B4GALT7: variants seen among roughly 807,000 people sequenced by gnomAD.
The protein encoded by B4GALT7 is beta-1,4-galactosyltransferase 7.
B4GALT7 carries 30 observed loss-of-function variants against 33.0 expected under a neutral mutation model. That is an observed-to-expected ratio of 0.91 (90% confidence interval 0.68 to 1.23). The LOEUF is 1.23. Ranked by LOEUF, B4GALT7 falls within the 50% of genes most tolerant of loss-of-function variation. The pLI, the probability that B4GALT7 is intolerant of heterozygous loss-of-function variation, is 0.00. For missense variants in B4GALT7, 507 were observed against 450.8 expected (o/e 1.12, Z -1.13); for synonymous variants, 213 against 187.2 (o/e 1.14, Z -1.13).
At chr5:177,604,640 GA>G in intron 2 of B4GALT7, 99 bp downstream of exon 2, 1 of 1,513,378 alleles carries the variant, frequency 6.6e-7, no homozygotes, top group Non-Finnish European at 9.1e-7. Flanking sequence ...AGGAGGGCGG[GA>G]GGTGGCAGAC....
In B4GALT7 at chr5:177,609,548, C is replaced by A. The variant is rs1581997355; in HGVS notation, c.837C>A (p.Phe279Leu). 3 of 1,613,168 alleles carry A rather than the reference C, an allele frequency of 1.9e-6. No homozygotes were observed. The African/African-American group carries it at 4.0e-5, about 22-fold the overall frequency. ...CCTCTCTTCCTCCCCAGGAGCAGTT[C>A]AAGGTGGACAGGGAGGGAGGCCTGA... ...KRIAAQKQEQFKVDREGGLNT... is the reference protein window; with the variant it reads ...KRIAAQKQEQLKVDREGGLNT... The change falls in exon 6 of 6, where the codon TTC becomes TTA. Residue 279 changes from phenylalanine (F) to leucine (L), a missense_variant. Physicochemically the swap from Phe to Leu is conservative, Grantham distance 22. Coordinates refer to ENST00000029410, the MANE Select transcript of B4GALT7 (RefSeq NM_007255.3).
intron 2 of B4GALT7, 143 bp downstream of exon 2, chr5:177,604,684 G>A (rs1379411475): frequency 1.9e-5 from 21 of 1,097,742 alleles, no homozygotes; most frequent in South Asian, 2.9e-5. Context: ...AACCTTTGGA[G>A]AGGGCCCTGA....
At chr5:177,605,901 C>T (rs1229466886) in intron 2 of B4GALT7, 1 of 152,732 alleles carries the variant, frequency 6.5e-6, no homozygotes, top group African/African-American at 2.4e-5. Flanking sequence ...TCACTGAGGT[C>T]ACCAGCCACC....
Position 177,608,728 on chromosome 5 carries a change from C to A in B4GALT7, c.723+106C>A. The A allele has an allele frequency of 8.2e-7, 1 of 1,217,764 alleles. No homozygotes were observed. The highest frequency in any genetic ancestry group is 1.2e-6 in the Non-Finnish European group (1 of 841,928). The allele number at this position is 1,217,764 out of a possible 1,614,324, so 75.4% of individuals were successfully genotyped here. On this transcript the variant is annotated intron_variant, in intron 4 of 5. Transcript: ENST00000029410. This position sits in a 1 kb window ranked among gnomAD's most constrained non-coding sequence, Gnocchi z 4.1. ...CTGGGGTCTGGAGATGGCCCTGATT[C>A]TGATCCCTGCCCTAACCCTGCCCTG...
At chr5:177,605,470 C>T (rs1319988509) in intron 2 of B4GALT7, among the ~76,000 whole-genome samples, 6 of 152,266 alleles carry the variant, frequency 3.9e-5, no homozygotes, top group Non-Finnish European at 8.8e-5. Flanking sequence ...ATTCATCCCT[C>T]GTCCTCACTC....
rs1208741725 is a variant in B4GALT7 at position 177,606,215 on chromosome 5, C to T, written c.414-1087C>T. 1 of 152,206 alleles carries T rather than the reference C, an allele frequency of 6.6e-6. No individual in the cohort carries two copies. Among genetic ancestry groups the T allele is most frequent in the African/African-American group, 2.4e-5 (1 of 41,416 alleles). 9.4% of individuals were successfully genotyped at this position (152,206 alleles called of 1,614,324 possible). On this transcript the variant is annotated intron_variant, in intron 2 of 5. Transcript: ENST00000029410. This position sits in a 1 kb window ranked among gnomAD's most constrained non-coding sequence, Gnocchi z 4.2. ...TCCTGAGGCTGTTTCCTGGAGTTCT[C>T]TCCTAAACTCCAGGCTCAACAGCCC...
rs1767812729 is a variant in B4GALT7 at position 177,600,359 on chromosome 5, G to C, written c.50+99G>C. On this transcript the variant is annotated intron_variant, in intron 1 of 5. Transcript: ENST00000029410. This position sits in a 1 kb window ranked among gnomAD's most constrained non-coding sequence, Gnocchi z 4.4. ...GAACCCGAGGCCATCACGTCTCCATGTCTGCGGGTTTCTGTGAGGGCGTGT... is the reference window on the plus strand; with the variant it reads ...GAACCCGAGGCCATCACGTCTCCATCTCTGCGGGTTTCTGTGAGGGCGTGT... 1.9e-6 allele frequency: 2 copies of C among 1,026,748 alleles called. No individual in the cohort carries two copies. Among genetic ancestry groups the C allele is most frequent in the Non-Finnish European group, 2.5e-6 (2 of 797,022 alleles). 63.6% of individuals were successfully genotyped at this position (1,026,748 alleles called of 1,614,324 possible).
In B4GALT7 at chr5:177,608,575, C is replaced by A. The variant is rs201489289; in HGVS notation, c.676C>A (p.Arg226Ser). Residue 226 changes from arginine (R) to serine (S), a missense_variant, in exon 4 of 6, where the codon CGC becomes AGC. Transcript: ENST00000029410. This position sits in a 1 kb window ranked among gnomAD's most constrained non-coding sequence, Gnocchi z 4.1. ...GTCCAACCGCTTCTGGGGCTGGGGC[C>A]GCGAGGACGACGAGTTCTACCGGCG... ...GMSNRFWGWG[R>S]EDDEFYRRIK... 2 of 1,613,716 alleles carry A rather than the reference C, an allele frequency of 1.2e-6. No individual in the cohort carries two copies. The highest frequency in any genetic ancestry group is 1.7e-6 in the Non-Finnish European group (2 of 1,179,954).
In B4GALT7 at chr5:177,608,372, G is replaced by C. The variant is rs545083920; in HGVS notation, c.640-167G>C. On this transcript the variant is annotated intron_variant, in intron 3 of 5. Transcript: ENST00000029410. The surrounding 1 kb of genome is among the most constrained non-coding windows in gnomAD (Gnocchi z 4.1). ...GCCCCGTGAGAACGGGAGAGGGCCC[G>C]GGACGCGCTGCTTCCTGCCGCCCGC... 1.6e-6 allele frequency: 1 copy of C among 626,960 alleles called. No individual in the cohort carries two copies. Among genetic ancestry groups the C allele is most frequent in the African/African-American group, 1.8e-5 (1 of 54,618 alleles). The allele number at this position is 626,960 out of a possible 1,614,324, so 38.8% of individuals were successfully genotyped here. A position where few individuals can be genotyped will look rare whatever the true frequency, so the allele number is the denominator to read the frequency against.
chr5:177,607,601 C>T lies in B4GALT7; in HGVS notation c.639+74C>T, dbSNP rs1768054400. The T allele has an allele frequency of 2.8e-6, 4 of 1,440,268 alleles. No homozygotes were observed. The South Asian group carries it at 4.6e-5, about 17-fold the overall frequency. 89.2% of individuals were successfully genotyped at this position (1,440,268 alleles called of 1,614,324 possible). Reference sequence around the variant, plus strand: ...GCTGCGGGTGGTGGGAAGGATGGGGCAGTGCCTCTGGGGCCCAGCAGATGG... The same window carrying T: ...GCTGCGGGTGGTGGGAAGGATGGGGTAGTGCCTCTGGGGCCCAGCAGATGG... On this transcript the variant is annotated intron_variant, in intron 3 of 5. Transcript: ENST00000029410.
chr5:177,608,496 C>CA lies in B4GALT7; in HGVS notation c.640-43_640-42insA, dbSNP rs779641314. ...CGGTAGGAGACCAAAGGCCCCCCCCCCCGGGAAGATGGGCCGAGTGACGCT... is the reference window on the plus strand; with the variant it reads ...CGGTAGGAGACCAAAGGCCCCCCCCCACCGGGAAGATGGGCCGAGTGACGCT... On this transcript the variant is annotated intron_variant, in intron 3 of 5. Transcript: ENST00000029410. This position sits in a 1 kb window ranked among gnomAD's most constrained non-coding sequence, Gnocchi z 4.1. 6.4e-6 allele frequency: 10 copies of CA among 1,562,564 alleles called. No individual in the cohort carries two copies. The African/African-American group carries it at 1.2e-4, about 19-fold the overall frequency.
intron 3 of B4GALT7, 54 bp downstream of exon 3, chr5:177,607,581 G>C (rs952644749): frequency 3.2e-6 from 5 of 1,547,944 alleles, no homozygotes; most frequent in African/African-American, 2.7e-5. Context: ...TCCAGGCTGC[G>C]GGTGGTGGGA....
Position 177,604,625 on chromosome 5 carries a change from G to C in B4GALT7, c.413+84G>C. On this transcript the variant is annotated intron_variant, in intron 2 of 5. Coordinates refer to ENST00000029410, the MANE Select transcript of B4GALT7 (RefSeq NM_007255.3). ...GCCCTGTGAGAGGCCACCTGGGGCA[G>C]GGGCAGGAGGGCGGGAGGTGGCAGA... 4 of 1,578,622 alleles carry C rather than the reference G, an allele frequency of 2.5e-6. No individual in the cohort carries two copies. In the Admixed American group the frequency reaches 6.7e-5, roughly 27 times the overall value.
chr5:177,607,067 C>T, intron 2 of B4GALT7: 1 of 600,912 alleles, frequency 1.7e-6, no homozygotes, highest in Non-Finnish European at 3.0e-6. Flanking sequence ...ATCTCAGTTC[C>T]TTGAGAACAG....
rs1455163537 is a variant in B4GALT7 at position 177,608,245 on chromosome 5, C to G, written c.640-294C>G. 2.2e-6 allele frequency: 1 copy of G among 459,838 alleles called. No individual in the cohort carries two copies. Among genetic ancestry groups the G allele is most frequent in the African/African-American group, 2.0e-5 (1 of 50,520 alleles). 28.5% of individuals were successfully genotyped at this position (459,838 alleles called of 1,614,324 possible). On this transcript the variant is annotated intron_variant, in intron 3 of 5. Transcript: ENST00000029410. The surrounding 1 kb of genome is among the most constrained non-coding windows in gnomAD (Gnocchi z 4.1). Reference sequence around the variant, plus strand: ...AAAGGGGAATGGGGGAAGCAGAAATCAAGTAGGAGCTGGCGCTTCTGCCCA... The same window carrying G: ...AAAGGGGAATGGGGGAAGCAGAAATGAAGTAGGAGCTGGCGCTTCTGCCCA...
chr5:177,602,755 G>GC (rs746768572), intron 1 of B4GALT7: 14 of 899,070 alleles, frequency 1.6e-5, no homozygotes, highest in Non-Finnish European at 1.9e-5. Flanking sequence ...TGACTGTCAG[G>GC]CCAAAGGGCT....
At chr5:177,601,953 G>A (rs1561813120) in intron 1 of B4GALT7, among the ~76,000 whole-genome samples, 1 of 152,192 alleles carries the variant, frequency 6.6e-6, no homozygotes, top group Non-Finnish European at 1.5e-5. Flanking sequence ...AGGGCCGAGG[G>A]AATTAGCGTG....
At chr5:177,607,552 C>T (rs1768052900) in intron 3 of B4GALT7, 25 bp downstream of exon 3, 1 of 1,597,722 alleles carries the variant, frequency 6.3e-7, no homozygotes, top group African/African-American at 1.3e-5. Context: ...GCCTGCTCTG[C>T]TCAGAGCCGG....
Position 177,600,949 on chromosome 5 carries a change from A to T in B4GALT7, c.50+689A>T, listed in dbSNP as rs1767828148. 6.6e-6 allele frequency among the ~76,000 whole-genome samples: 1 copy of T among 152,072 alleles called. No individual in the cohort carries two copies. Among genetic ancestry groups the T allele is most frequent in the Non-Finnish European group, 1.5e-5 (1 of 68,016 alleles). ...AAGATGCGAGCTTGGCCCACACCTT[A>T]GCTAATTTTGTTTCTCACTAAAGCA... On this transcript the variant is annotated intron_variant, in intron 1 of 5. Transcript: ENST00000029410. The surrounding 1 kb of genome is among the most constrained non-coding windows in gnomAD (Gnocchi z 4.4).
Sources: allele counts gnomAD v4.1 joint callset (sites outside exome capture counted in the v4.1 genomes callset), GRCh38; gene constraint gnomAD v4.1.1; non-coding constraint Gnocchi (gnomAD v3.1); transcripts MANE v1.5; gene names NCBI Gene and HGNC (gene_info 2026-07-23, HGNC 2026-07-21).